CREBRF: variants seen among roughly 807,000 people sequenced by gnomAD.
CREBRF encodes the protein UPF0474 protein C5orf41.
A neutral mutation model predicts 66.1 loss-of-function variants in CREBRF; 5 were observed. The observed-to-expected ratio is 0.08, with a 90% CI of 0.04 to 0.16. CREBRF has a LOEUF of 0.16. CREBRF is among the 10% of genes least tolerant of loss of function. The pLI, the probability that CREBRF is intolerant of heterozygous loss-of-function variation, is 1.00. For missense variants in CREBRF, 531 were observed against 744.9 expected (o/e 0.71, Z 3.34); for synonymous variants, 229 against 264.4 (o/e 0.87, Z 1.30).
At chr5:173,118,233 C>A (rs1759055492) in intron 7 of CREBRF, among the ~76,000 whole-genome samples, 1 of 151,876 alleles carries the variant, frequency 6.6e-6, no homozygotes, top group African/African-American at 2.4e-5. Context: ...TGGTTTCGAA[C>A]TCCTGGCCTC....
chr5:173,098,062 T>A (rs567022078), intron 4 of CREBRF, among the ~76,000 whole-genome samples: 13 of 152,274 alleles, frequency 8.5e-5, no homozygotes, highest in Non-Finnish European at 1.5e-4. Flanking sequence ...AGTTTTGATA[T>A]GTTGTGTTTC....
At chr5:173,071,221 G>A (rs1757591543) in intron 1 of CREBRF, among the ~76,000 whole-genome samples, 1 of 152,024 alleles carries the variant, frequency 6.6e-6, no homozygotes, top group Non-Finnish European at 1.5e-5. Flanking sequence ...ATTTTTGTTT[G>A]TTTGTTTGAG....
chr5:173,060,959 T>C (rs1174589902), intron 1 of CREBRF, among the ~76,000 whole-genome samples: 1 of 152,168 alleles, frequency 6.6e-6, no homozygotes, highest in Non-Finnish European at 1.5e-5. Flanking sequence ...ACATCAGTCA[T>C]TGAGGTTTTT....
intron 7 of CREBRF, among the ~76,000 whole-genome samples, chr5:173,115,258 C>T (rs1758962439): frequency 1.3e-5 from 2 of 151,960 alleles, no homozygotes. Context: ...CAGGCATGCA[C>T]CACTACTCCT....
chr5:173,128,804 G>A (rs1047720096), intron 8 of CREBRF, among the ~76,000 whole-genome samples: 1 of 151,194 alleles, frequency 6.6e-6, no homozygotes, highest in East Asian at 1.9e-4. Flanking sequence ...TTTTTGAGAC[G>A]GAGTCTCGCT....
intron 4 of CREBRF, among the ~76,000 whole-genome samples, chr5:173,105,200 C>T (rs1758719648): frequency 6.6e-6 from 1 of 150,726 alleles, no homozygotes; most frequent in Non-Finnish European, 1.5e-5. Flanking sequence ...AATAAAGTAT[C>T]CAGGAGGATG....
Position 173,135,819 on chromosome 5 carries a change from T to C in CREBRF, c.*2074T>C, listed in dbSNP as rs1056385208. On this transcript the variant is annotated 3_prime_UTR_variant, in exon 9 of 9. Coordinates refer to ENST00000296953, the MANE Select transcript of CREBRF (RefSeq NM_153607.3). ...CTTAAAAAAGAAATCCAAGGAGGAT[T>C]GTAAGGATTGTCTTACCACCTTAGC... 7.2e-5 allele frequency: 11 copies of C among 152,432 alleles called. No individual in the cohort carries two copies. Among genetic ancestry groups the C allele is most frequent in the African/African-American group, 2.7e-4 (11 of 41,446 alleles). The allele number at this position is 152,432 out of a possible 1,614,324, so 9.4% of individuals were successfully genotyped here.
intron 4 of CREBRF, among the ~76,000 whole-genome samples, chr5:173,106,271 A>C (rs931438505): frequency 6.6e-6 from 1 of 151,924 alleles, no homozygotes; most frequent in Non-Finnish European, 1.5e-5. Context: ...CTACTAAAAA[A>C]TAGAAAAAAT....
intron 1 of CREBRF, among the ~76,000 whole-genome samples, chr5:173,056,963 C>T (rs1292624937): frequency 6.7e-6 from 1 of 149,210 alleles, no homozygotes; most frequent in Non-Finnish European, 1.5e-5. Context: ...GGGCCGGGGC[C>T]GCGGAGGTTG....
chr5:173,124,942 A>T (rs1172538730), intron 8 of CREBRF, among the ~76,000 whole-genome samples: 4 of 106,452 alleles, frequency 3.8e-5, no homozygotes, highest in Admixed American at 2.3e-4. Context: ...TTTTTGAGAC[A>T]GTGTTTTGCT....
chr5:173,060,955 G>A (rs1249978696), intron 1 of CREBRF, among the ~76,000 whole-genome samples: 3 of 152,102 alleles, frequency 2.0e-5, no homozygotes, highest in African/African-American at 7.2e-5. Flanking sequence ...TAAGACATCA[G>A]TCATTGAGGT....
At chr5:173,108,519 A>G (rs1334358479) in intron 4 of CREBRF, 105 bp from the exon 5 acceptor site, 11 of 933,906 alleles carry the variant, frequency 1.2e-5, no homozygotes, top group Non-Finnish European at 1.5e-5. Context: ...ATGTTTTCAG[A>G]TGCAAGGAAA....
At chr5:173,118,890 TA>T (rs1759070509) in intron 7 of CREBRF, among the ~76,000 whole-genome samples, 1 of 151,642 alleles carries the variant, frequency 6.6e-6, no homozygotes, top group Non-Finnish European at 1.5e-5. Flanking sequence ...AAATTATTTT[TA>T]AAAAAGAAAA....
chr5:173,121,510 G>A (rs936989420), intron 7 of CREBRF, among the ~76,000 whole-genome samples: 12 of 151,978 alleles, frequency 7.9e-5, no homozygotes, highest in African/African-American at 2.9e-4. Context: ...TTTTAGTAGA[G>A]ACAGGGTTTC....
chr5:173,056,553 G>A, intron 1 of CREBRF, 74 bp downstream of exon 1: 1 of 396,938 alleles, frequency 2.5e-6, no homozygotes, highest in Non-Finnish European at 4.4e-6. Flanking sequence ...GGGGCGGAGG[G>A]CCGCTTGCCT....
At chr5:173,083,969 C>CA (rs1228471515) in intron 2 of CREBRF, among the ~76,000 whole-genome samples, 4 of 151,796 alleles carry the variant, frequency 2.6e-5, no homozygotes, top group Non-Finnish European at 5.9e-5. Context: ...ATTAACTTCC[C>CA]AAAAAATCAG....
At chr5:173,068,933 G>C (rs968705493) in intron 1 of CREBRF, among the ~76,000 whole-genome samples, 12 of 151,970 alleles carry the variant, frequency 7.9e-5, no homozygotes, top group Non-Finnish European at 8.8e-5. Context: ...TTAGCTGAGC[G>C]TGGTGGCGTG....
chr5:173,084,591 A>G (rs1758074157), intron 2 of CREBRF, among the ~76,000 whole-genome samples: 1 of 152,136 alleles, frequency 6.6e-6, no homozygotes, highest in South Asian at 2.1e-4. Context: ...GCATGTGGGT[A>G]GGTACGCGGC....
chr5:173,089,701 C>T (rs1258285431), intron 3 of CREBRF, among the ~76,000 whole-genome samples: 3 of 150,970 alleles, frequency 2.0e-5, no homozygotes, highest in Non-Finnish European at 4.4e-5. Flanking sequence ...CTCTAAAATT[C>T]GTGAGGAGTA....
Sources: gnomAD v4.1 joint callset for allele counts (sites outside exome capture counted in the v4.1 genomes callset) on GRCh38, gnomAD v4.1.1 for gene constraint, MANE v1.5 for transcripts, NCBI Gene and HGNC (gene_info 2026-07-23, HGNC 2026-07-21) for gene names.